Variants in DKKL1 observed in about 807,000 individuals in gnomAD.
DKKL1 encodes dickkopf like acrosomal protein 1, also known as dickkopf-like protein 1.
DKKL1 carries 11 observed loss-of-function variants against 16.5 expected under a neutral mutation model. The ratio of observed to expected loss-of-function variants is 0.67; its 90% CI spans 0.42 to 1.10. DKKL1 has a LOEUF of 1.10. DKKL1 is among the 50% of genes least tolerant of loss of function. The pLI is 0.00. For missense variants in DKKL1, 320 were observed against 308.1 expected (o/e 1.04, Z -0.29); for synonymous variants, 119 against 133.2 (o/e 0.89, Z 0.73).
chr19:49,364,492 G>C, intron 1 of DKKL1, 90 bp from the exon 2 acceptor site: 17 of 1,153,478 alleles, frequency 1.5e-5, no homozygotes, highest in Non-Finnish European at 2.1e-5. Context: ...GCCTGAACTG[G>C]GGAGGCGACC....
intron 2 of DKKL1, 24 bp downstream of exon 2, chr19:49,364,778 GGAA>G (rs1568591417): frequency 6.2e-7 from 1 of 1,606,126 alleles, no homozygotes; most frequent in South Asian, 1.1e-5. Context: ...GGGGGATGGG[GGAA>G]GAAGTACTGA....
intron 4 of DKKL1, chr19:49,368,661 A>C (rs1426534472): frequency 6.6e-6 from 1 of 152,162 alleles, no homozygotes; most frequent in African/African-American, 2.4e-5. Flanking sequence ...AAAGTAAAAA[A>C]GTTTCTCTTT....
At position 49,365,808 on chromosome 19, in the gene DKKL1, A is replaced by G; in HGVS notation, c.340A>G (p.Thr114Ala). Residue 114 changes from threonine (T) to alanine (A), a missense_variant, in exon 4 of 5, where the codon ACA (threonine) becomes GCA (alanine). Coordinates refer to ENST00000221498, the MANE Select transcript of DKKL1 (RefSeq NM_014419.4). The stretch of plus-strand genomic sequence containing the variant: ...ATCCTCACAGATGACCGACAACAAG[A>G]CAGGAGAGGTGCTGATCTCCGAGAA... Reference protein sequence around the residue: ...LQIDKMTDNKTGEVLISENVV... With the variant: ...LQIDKMTDNKAGEVLISENVV... 6.2e-7 allele frequency: 1 copy of G among 1,614,002 alleles called. No homozygotes were observed. Among genetic ancestry groups the G allele is most frequent in the Non-Finnish European group, 8.5e-7 (1 of 1,179,964 alleles).
Position 49,365,472 on chromosome 19 carries a change from A to G in DKKL1, c.184-37A>G, listed in dbSNP as rs369204778. ...GAAGGGGCTGTACTGAGGAGATGTG[A>G]GGTCCAGCAGCTCACCAGTCCCTCC... On this transcript the variant is annotated intron_variant, in intron 2 of 4. Transcript: ENST00000221498. 2.0e-4 allele frequency: 310 copies of G among 1,561,534 alleles called. No homozygotes were observed. In the African/African-American group the frequency reaches 4.0e-3, roughly 20 times the overall value.
At position 49,364,906 on chromosome 19, in the gene DKKL1, G is replaced by C; in HGVS notation, c.183+152G>C. The C allele has an allele frequency of 3.0e-6, 3 of 1,001,572 alleles. No individual in the cohort carries two copies. The South Asian group carries it at 5.0e-5, about 17-fold the overall frequency. The allele number at this position is 1,001,572 out of a possible 1,614,324, so 62.0% of individuals were successfully genotyped here. On this transcript the variant is annotated intron_variant, in intron 2 of 4. Transcript: ENST00000221498. ...AGGAAGAGGGAAGGGACTGGGCCCA[G>C]GCTATAATCACAGCACTTTGGGAGG...
chr19:49,368,313 C>CAAA (rs545751415), intron 4 of DKKL1, among the ~76,000 whole-genome samples: 1 of 98,008 alleles, frequency 1.0e-5, no homozygotes, highest in Non-Finnish European at 2.2e-5. Flanking sequence ...ACTCTGTCTC[C>CAAA]AAAAAAAAAA....
chr19:49,364,980 T>C (rs1328280832), intron 2 of DKKL1, among the ~76,000 whole-genome samples: 1 of 151,774 alleles, frequency 6.6e-6, no homozygotes, highest in Non-Finnish European at 1.5e-5. Flanking sequence ...CCAGCCTGGG[T>C]AACATAGTGA....
At chr19:49,361,628 G>T (rs1972948066), upstream of DKKL1, 1 of 151,890 alleles carries the variant, frequency 6.6e-6, no homozygotes, top group Admixed American at 6.6e-5. Context: ...CGTGCGCCGT[G>T]GGCTCTGATC....
chr19:49,371,804 A>C (rs941597974), intron 4 of DKKL1, among the ~76,000 whole-genome samples: 2 of 145,628 alleles, frequency 1.4e-5, no homozygotes, highest in Non-Finnish European at 3.0e-5. Context: ...CTGGTGTGTG[A>C]TGTTTCCCTT....
At chr19:49,372,891 C>T (rs1973558511) in intron 4 of DKKL1, among the ~76,000 whole-genome samples, 1 of 151,876 alleles carries the variant, frequency 6.6e-6, no homozygotes, top group Non-Finnish European at 1.5e-5. Flanking sequence ...ATCCCAGCTA[C>T]TCAGGAGGCT....
At chr19:49,369,739 G>C (rs1568595233) in intron 4 of DKKL1, 1 of 153,984 alleles carries the variant, frequency 6.5e-6, no homozygotes, top group Non-Finnish European at 1.5e-5. Context: ...GTGAGGTGGA[G>C]TTTGGAGCTT....
intron 4 of DKKL1, among the ~76,000 whole-genome samples, chr19:49,367,439 G>T (rs867135250): frequency 3.8e-5 from 5 of 132,490 alleles, no homozygotes; most frequent in African/African-American, 1.5e-4. Context: ...ACGAAGTCTC[G>T]CTCGTCCCCC....
At position 49,364,708 on chromosome 19, in the gene DKKL1, C is replaced by T; in HGVS notation, c.137C>T (p.Thr46Ile). The T allele has an allele frequency of 2.5e-6, 4 of 1,614,164 alleles. No individual in the cohort carries two copies. Among genetic ancestry groups the T allele is most frequent in the Non-Finnish European group, 3.4e-6 (4 of 1,180,006 alleles). ...GCCCAAGAGAGCTCCTTGGGTCTCA[C>T]AGGCCTCCAGAGCCTACTCCAAGGC... ...ADAQESSLGLTGLQSLLQGFS... is the reference protein window; with the variant it reads ...ADAQESSLGLIGLQSLLQGFS... The change falls in exon 2 of 5, where the codon ACA (threonine) becomes ATA (isoleucine). Residue 46 changes from threonine (T) to isoleucine (I), a missense_variant. By Grantham distance (89) the Thr-to-Ile change is moderately conservative (BLOSUM62 -1). Coordinates refer to ENST00000221498, the MANE Select transcript of DKKL1 (RefSeq NM_014419.4).
At position 49,363,944 on chromosome 19, in the gene DKKL1, G is replaced by C; in HGVS notation, c.-55G>C. On this transcript the variant is annotated 5_prime_UTR_variant, in exon 1 of 5. Coordinates refer to ENST00000221498, the MANE Select transcript of DKKL1 (RefSeq NM_014419.4). ...GTGGGCGGCCGGAATCCGGGAGTCC[G>C]GTGACCCGGGCTGTGGTCTAGCATA... 6.2e-7 allele frequency: 1 copy of C among 1,607,430 alleles called. No homozygotes were observed. The highest frequency in any genetic ancestry group is 8.5e-7 in the Non-Finnish European group (1 of 1,176,752).
intron 4 of DKKL1, among the ~76,000 whole-genome samples, chr19:49,372,361 C>A (rs1437609182): frequency 6.6e-6 from 1 of 151,852 alleles, no homozygotes; most frequent in Non-Finnish European, 1.5e-5. Context: ...GAGTTCGAGA[C>A]CAGCCTGGCT....
chr19:49,361,418 C>T (rs547654195), upstream of DKKL1: 1 of 153,456 alleles, frequency 6.5e-6, no homozygotes, highest in Admixed American at 6.5e-5. Flanking sequence ...GGGACAGAGA[C>T]TCAGGGCAGC....
chr19:49,371,667 A>G (rs1189009197), intron 4 of DKKL1, among the ~76,000 whole-genome samples: 1 of 150,966 alleles, frequency 6.6e-6, no homozygotes, highest in African/African-American at 2.5e-5. Context: ...ACATGTGCAG[A>G]CATGCAGTTT....
chr19:49,367,288 G>A (rs547718548), intron 4 of DKKL1, among the ~76,000 whole-genome samples: 158 of 151,864 alleles, frequency 1.0e-3, no homozygotes, highest in African/African-American at 3.7e-3. Context: ...CACCTGCCTC[G>A]GCCTCCCAAA....
intron 4 of DKKL1, among the ~76,000 whole-genome samples, chr19:49,371,815 C>T (rs1973502795): frequency 6.6e-6 from 1 of 151,376 alleles, no homozygotes. Flanking sequence ...TGTTTCCCTT[C>T]CTGTGTCCAT....
Sources: allele counts gnomAD v4.1 joint callset (sites outside exome capture counted in the v4.1 genomes callset), GRCh38; gene constraint gnomAD v4.1.1; transcripts MANE v1.5; gene names NCBI Gene and HGNC (gene_info 2026-07-23, HGNC 2026-07-21).